Variants in RIPOR2 observed in about 807,000 individuals in gnomAD.
RIPOR2 encodes the protein rho family-interacting cell polarization regulator 2.
A neutral mutation model predicts 114.5 loss-of-function variants in RIPOR2; 39 were observed. The ratio of observed to expected loss-of-function variants is 0.34; its 90% CI spans 0.26 to 0.44. The LOEUF is 0.44. Ranked by LOEUF, RIPOR2 falls within the 20% of genes least tolerant of loss-of-function variation. The probability of loss-of-function intolerance (pLI) is 1.00; values close to 1 mark genes in which losing one functional copy is unlikely to be tolerated. For synonymous variants in RIPOR2, 445 were observed against 484.4 expected (o/e 0.92, Z 1.07); for missense variants, 1,007 against 1,255.1 (o/e 0.80, Z 2.99).
chr6:24,993,839 G>A (rs1174406453), intron 1 of RIPOR2, among the ~76,000 whole-genome samples: 2 of 152,184 alleles, frequency 1.3e-5, no homozygotes, highest in Non-Finnish European at 2.9e-5. Flanking sequence ...CTCACAAATT[G>A]CATATCCCCC....
Position 24,826,307 on chromosome 6 carries a change from A to G in RIPOR2, c.2666-879T>C, listed in dbSNP as rs758910899. ...TGAGTCCCATTTGGACAAATTAACC[A>G]TGTTCCATGAATAAAGAGTATACTC... is the stretch of plus-strand genomic sequence containing the variant. On this transcript the variant is annotated intron_variant, in intron 18 of 21. Transcript: ENST00000643898. 5.7e-4 allele frequency among the ~76,000 whole-genome samples: 87 copies of G among 152,326 alleles called. 1 individual carries two copies. Among genetic ancestry groups the G allele is most frequent in the Non-Finnish European group, 6.0e-4 (41 of 68,028 alleles).
chr6:24,878,936 C>T (rs1382048945), intron 1 of RIPOR2, among the ~76,000 whole-genome samples: 3 of 89,806 alleles, frequency 3.3e-5, no homozygotes, highest in Non-Finnish European at 6.6e-5. Flanking sequence ...TTCCTTCTTC[C>T]TCATTTTCTG....
In RIPOR2 at chr6:25,037,430, C is replaced by T. The variant is rs1777296451; in HGVS notation, c.76+4421G>A. 6.6e-6 allele frequency among the ~76,000 whole-genome samples: 1 copy of T among 152,140 alleles called. No individual in the cohort carries two copies. Among genetic ancestry groups the T allele is most frequent in the South Asian group, 2.1e-4 (1 of 4,826 alleles). ...TCATCATGTAGAAGGCCCAGGCACC[C>T]ACGGGCTGTTGCTGTGTCTATACTC... On this transcript the variant is annotated intron_variant, in intron 1 of 13. Coordinates refer to the RIPOR2 transcript ENST00000510784. This position sits in a 1 kb window ranked among gnomAD's most constrained non-coding sequence, Gnocchi z 4.5.
At chr6:24,940,426 A>T (rs1172131233), upstream of RIPOR2, among the ~76,000 whole-genome samples, 1 of 152,172 alleles carries the variant, frequency 6.6e-6, no homozygotes, top group African/African-American at 2.4e-5. Flanking sequence ...AACCTGAACT[A>T]ATTAGGAGCA....
chr6:25,001,494 G>A (rs1273050658), intron 1 of RIPOR2, among the ~76,000 whole-genome samples: 8 of 151,198 alleles, frequency 5.3e-5, no homozygotes, highest in Non-Finnish European at 1.2e-4. Flanking sequence ...GCGCGGTGGC[G>A]GGCACCTGTA....
intron 1 of RIPOR2, among the ~76,000 whole-genome samples, chr6:24,898,001 G>A (rs1205105708): frequency 6.6e-6 from 1 of 151,680 alleles, no homozygotes; most frequent in Non-Finnish European, 1.5e-5. Flanking sequence ...TCCAGCCTGG[G>A]TGACAGAGCC....
At chr6:24,899,612 C>T (rs1419250135) in intron 1 of RIPOR2, among the ~76,000 whole-genome samples, 1 of 152,162 alleles carries the variant, frequency 6.6e-6, no homozygotes, top group Non-Finnish European at 1.5e-5. Context: ...TTCTCCTATG[C>T]ATAAATTAAA....
chr6:25,019,774 CAAAAAAAAAAAA>C (rs34107737), intron 1 of RIPOR2, among the ~76,000 whole-genome samples: 2 of 53,122 alleles, frequency 3.8e-5, no homozygotes, highest in South Asian at 8.2e-4. Flanking sequence ...GACTCTGTCT[CAAAAAAAAAAAA>C]AAAAAAAAAA....
chr6:24,936,543 T>A (rs1324015926), upstream of RIPOR2, among the ~76,000 whole-genome samples: 1 of 152,214 alleles, frequency 6.6e-6, no homozygotes. Context: ...AAATCTATAG[T>A]CAATGAATAG....
upstream of RIPOR2, among the ~76,000 whole-genome samples, chr6:24,940,263 A>G (rs1404732346): frequency 2.0e-5 from 3 of 152,190 alleles, no homozygotes; most frequent in Non-Finnish European, 4.4e-5. Context: ...AAACCATACT[A>G]GTGGAAAAAT....
intron 19 of RIPOR2, among the ~76,000 whole-genome samples, chr6:24,824,848 A>G (rs1249561895): frequency 6.6e-6 from 1 of 152,256 alleles, no homozygotes; most frequent in Non-Finnish European, 1.5e-5. Context: ...ATATTCATAC[A>G]TGGACATGCC....
chr6:24,827,415 G>A (rs537619466), intron 18 of RIPOR2, among the ~76,000 whole-genome samples: 1 of 152,164 alleles, frequency 6.6e-6, no homozygotes, highest in Non-Finnish European at 1.5e-5. Flanking sequence ...GCTGCTGCCT[G>A]GTGCCGTGCC....
At chr6:24,989,336 C>T (rs1349139428) in intron 1 of RIPOR2, among the ~76,000 whole-genome samples, 1 of 149,536 alleles carries the variant, frequency 6.7e-6, no homozygotes, top group Non-Finnish European at 1.5e-5. Flanking sequence ...TGCTCTGTCT[C>T]CCTGGCTGGA....
intron 1 of RIPOR2, among the ~76,000 whole-genome samples, chr6:24,909,027 A>G (rs893164979): frequency 1.3e-5 from 2 of 152,240 alleles, no homozygotes; most frequent in African/African-American, 2.4e-5. Flanking sequence ...CCTTTGGAAA[A>G]GCAACATATG....
chr6:24,832,154 C>T, intron 16 of RIPOR2, 102 bp downstream of exon 16: 1 of 1,175,178 alleles, frequency 8.5e-7, no homozygotes, highest in South Asian at 1.6e-5. Flanking sequence ...CCTAAGAATG[C>T]TTTTCTGTTT....
intron 1 of RIPOR2, among the ~76,000 whole-genome samples, chr6:24,893,006 G>A (rs1767522861): frequency 6.6e-6 from 1 of 152,102 alleles, no homozygotes; most frequent in Non-Finnish European, 1.5e-5. Flanking sequence ...ACTCCAGCGT[G>A]GGCAACAGAG....
intron 13 of RIPOR2, chr6:24,840,604 CG>C: frequency 1.3e-6 from 2 of 1,506,760 alleles, no homozygotes; most frequent in Non-Finnish European, 1.8e-6. Context: ...GATTTCTTAG[CG>C]CAAGGTAGGA....
Position 24,860,979 on chromosome 6 carries a change from T to A in RIPOR2, c.709A>T (p.Met237Leu), listed in dbSNP as rs1434119783. ...TAAACAAGGAAAATAATACCTTTCA[T>A]CTTGATGGAGAATTCTCCCAGCAGA... is the stretch of plus-strand genomic sequence containing the variant. ...ENLLGEFSIK[M>L]KGLAGFARLC... The change falls in exon 8 of 22, where the codon ATG (methionine) becomes TTG (leucine). Residue 237 changes from methionine to leucine, a missense_variant. Met to Leu is a conservative substitution (Grantham distance 15). Coordinates refer to ENST00000643898, the MANE Select transcript of RIPOR2 (RefSeq NM_001286445.3). 3.1e-6 allele frequency: 5 copies of A among 1,599,908 alleles called. No homozygotes were observed. Among genetic ancestry groups the A allele is most frequent in the Non-Finnish European group, 8.6e-7 (1 of 1,168,834 alleles).
At chr6:24,949,095 A>G (rs899270766) in intron 1 of RIPOR2, among the ~76,000 whole-genome samples, 1 of 151,958 alleles carries the variant, frequency 6.6e-6, no homozygotes, top group Non-Finnish European at 1.5e-5. Flanking sequence ...TCCTTTTCTT[A>G]GAACCATATC....
Sources: gnomAD v4.1 joint callset for allele counts (sites outside exome capture counted in the v4.1 genomes callset) on GRCh38, gnomAD v4.1.1 for gene constraint, Gnocchi (gnomAD v3.1) non-coding constraint, MANE v1.5 for transcripts, NCBI Gene and HGNC (gene_info 2026-07-23, HGNC 2026-07-21) for gene names.